The following RPS6KC1 variants were observed in gnomAD, a reference collection of about 807,000 sequenced individuals.
RPS6KC1 encodes the protein inactive ribosomal protein S6 kinase delta-1.
Under a neutral mutation model 103.8 loss-of-function variants are expected in RPS6KC1, and 54 were observed. The ratio of observed to expected loss-of-function variants is 0.52; its 90% confidence interval spans 0.42 to 0.65. RPS6KC1 has a LOEUF of 0.65. RPS6KC1 is among the 30% of genes least tolerant of loss of function. The probability of loss-of-function intolerance (pLI) is 0.00; values close to 1 mark genes in which losing one functional copy is unlikely to be tolerated. For synonymous variants in RPS6KC1, 439 were observed against 438.7 expected (o/e 1.00, Z -0.01); for missense variants, 1,151 against 1,253.8 (o/e 0.92, Z 1.24).
At chr1:213,589,137 C>T in the RPS6KC1 span, among the ~76,000 whole-genome samples, 1 of 152,168 alleles carries the variant, frequency 6.6e-6, no homozygotes, top group Non-Finnish European at 1.5e-5. Flanking sequence ...AACCACACTC[C>T]CATGCACTTG....
the RPS6KC1 span, among the ~76,000 whole-genome samples, chr1:213,781,306 C>T: frequency 1.6e-4 from 24 of 151,982 alleles, no homozygotes; most frequent in African/African-American, 5.8e-4. Context: ...TTATTTGAAG[C>T]CTTCAGAGGG....
At chr1:213,420,823 T>A in the RPS6KC1 span, among the ~76,000 whole-genome samples, 1 of 152,174 alleles carries the variant, frequency 6.6e-6, no homozygotes, top group Non-Finnish European at 1.5e-5. Context: ...ATCAAGGTGC[T>A]GGCAGGGCCA....
chr1:213,352,029 G>A, the RPS6KC1 span, among the ~76,000 whole-genome samples: 1 of 151,808 alleles, frequency 6.6e-6, no homozygotes. Flanking sequence ...TTACGAGCTG[G>A]GAGATAGAGT....
chr1:213,632,050 T>C, the RPS6KC1 span, among the ~76,000 whole-genome samples: 1 of 152,232 alleles, frequency 6.6e-6, no homozygotes, highest in South Asian at 2.1e-4. Context: ...AGCATAATGC[T>C]TTTGAGATTC....
the RPS6KC1 span, among the ~76,000 whole-genome samples, chr1:213,616,917 A>C: frequency 6.6e-6 from 1 of 152,180 alleles, no homozygotes; most frequent in African/African-American, 2.4e-5. Flanking sequence ...AAAGGCCTGC[A>C]TTCATATCTC....
chr1:213,368,912 G>T, the RPS6KC1 span, among the ~76,000 whole-genome samples: 2 of 152,194 alleles, frequency 1.3e-5, no homozygotes, highest in African/African-American at 2.4e-5. Context: ...TTAATATGTA[G>T]TATCTCCAAA....
chr1:213,247,789 T>C (rs2094476929), intron 12 of RPS6KC1, among the ~76,000 whole-genome samples: 1 of 152,196 alleles, frequency 6.6e-6, no homozygotes, highest in African/African-American at 2.4e-5. Context: ...AAATTGAAGT[T>C]CATCATATTA....
the RPS6KC1 span, among the ~76,000 whole-genome samples, chr1:213,359,828 C>G: frequency 6.6e-6 from 1 of 152,154 alleles, no homozygotes; most frequent in Non-Finnish European, 1.5e-5. Flanking sequence ...CTTAGTTTGG[C>G]TGGATATGAA....
the RPS6KC1 span, among the ~76,000 whole-genome samples, chr1:213,633,848 G>A: frequency 4.7e-5 from 5 of 106,742 alleles, no homozygotes; most frequent in Non-Finnish European, 8.8e-5. Context: ...AAGGGATGGA[G>A]GAAGATCTGC....
chr1:213,662,232 A>T, the RPS6KC1 span, among the ~76,000 whole-genome samples: 1 of 152,180 alleles, frequency 6.6e-6, no homozygotes, highest in South Asian at 2.1e-4. Context: ...CTAGAAAAAA[A>T]AAAAATTAGC....
At chr1:213,838,240 C>A in the RPS6KC1 span, among the ~76,000 whole-genome samples, 18 of 152,254 alleles carry the variant, frequency 1.2e-4, no homozygotes, top group East Asian at 3.3e-3. Flanking sequence ...AGAATAGAAC[C>A]TCAGTATTTT....
chr1:213,798,594 C>A, the RPS6KC1 span, among the ~76,000 whole-genome samples: 1 of 152,188 alleles, frequency 6.6e-6, no homozygotes, highest in African/African-American at 2.4e-5. Flanking sequence ...AGGGCCCCTC[C>A]CACTTACGTG....
the RPS6KC1 span, among the ~76,000 whole-genome samples, chr1:213,614,979 G>A: frequency 1.5e-4 from 23 of 152,094 alleles, no homozygotes; most frequent in African/African-American, 5.1e-4. Flanking sequence ...CAAAGTGTTG[G>A]GATTACAGTC....
the RPS6KC1 span, among the ~76,000 whole-genome samples, chr1:213,529,715 C>G: frequency 6.6e-6 from 1 of 152,224 alleles, no homozygotes; most frequent in Non-Finnish European, 1.5e-5. Flanking sequence ...ATGCAGGCAT[C>G]TTGACTCCAG....
the RPS6KC1 span, among the ~76,000 whole-genome samples, chr1:213,769,833 A>T: frequency 6.6e-6 from 1 of 150,408 alleles, no homozygotes; most frequent in East Asian, 1.9e-4. Flanking sequence ...ACAAGATTTA[A>T]AAAAAAATAA....
At chr1:213,286,138 T>C in the RPS6KC1 span, among the ~76,000 whole-genome samples, 2 of 152,244 alleles carry the variant, frequency 1.3e-5, no homozygotes, top group African/African-American at 4.8e-5. Flanking sequence ...AAACTGAGGA[T>C]AGAATTTGAA....
intron 6 of RPS6KC1, among the ~76,000 whole-genome samples, chr1:213,131,601 G>A (rs1251413677): frequency 3.3e-5 from 5 of 152,012 alleles, no homozygotes; most frequent in African/African-American, 1.2e-4. Context: ...GTGCCACCAT[G>A]CCGAACTAAT....
the RPS6KC1 span, among the ~76,000 whole-genome samples, chr1:213,423,569 AC>A: frequency 6.6e-6 from 1 of 152,218 alleles, no homozygotes; most frequent in African/African-American, 2.4e-5. Context: ...GCCAAGGCTC[AC>A]TGCTGAAAAC....
chr1:213,053,732 A>G (rs2077121208), intron 1 of RPS6KC1, among the ~76,000 whole-genome samples: 1 of 152,240 alleles, frequency 6.6e-6, no homozygotes, highest in African/African-American at 2.4e-5. Context: ...GGTAGAGTCC[A>G]TAAAGACCTG....
Sources: allele counts gnomAD v4.1 joint callset (sites outside exome capture counted in the v4.1 genomes callset), GRCh38; gene constraint gnomAD v4.1.1; transcripts MANE v1.5; gene names NCBI Gene and HGNC (gene_info 2026-07-23, HGNC 2026-07-21).